ASIC2: variants seen among roughly 807,000 people sequenced by gnomAD.
The protein encoded by ASIC2 is acid sensing ion channel subunit 2.
ASIC2 carries 25 observed loss-of-function variants against 57.3 expected under a neutral mutation model. The ratio of observed to expected loss-of-function variants is 0.44; its 90% CI spans 0.32 to 0.61. The LOEUF (loss-of-function observed/expected upper bound fraction) is 0.61, where lower values mean the gene tolerates loss of function less well. ASIC2 is among the 20% of genes least tolerant of loss of function. ASIC2 has a pLI of 0.06. For synonymous variants in ASIC2, 319 were observed against 307.5 expected, an observed-to-expected ratio of 1.04 and a Z score of -0.39; for missense variants, 641 against 738.1, an observed-to-expected ratio of 0.87 and a Z score of 1.52.
At chr17:33,032,392 G>T in intron 3 of ASIC2, among the ~76,000 whole-genome samples, 1 of 144,868 alleles carries the variant, frequency 6.9e-6, no homozygotes, top group African/African-American at 2.6e-5. Context: ...TATTGCTTCT[G>T]TGTCATATAT....
At chr17:33,354,419 A>C (rs1908299803) in intron 1 of ASIC2, among the ~76,000 whole-genome samples, 1 of 152,152 alleles carries the variant, frequency 6.6e-6, no homozygotes, top group African/African-American at 2.4e-5. Context: ...CCAGCATGAA[A>C]TATAACTATG....
At chr17:33,761,535 A>G (rs989178291) in intron 1 of ASIC2, among the ~76,000 whole-genome samples, 1 of 152,146 alleles carries the variant, frequency 6.6e-6, no homozygotes, top group Admixed American at 6.5e-5. Context: ...TCCAGTCCCA[A>G]ATGGAATGGA....
chr17:33,145,273 T>A (rs1904511663), intron 1 of ASIC2, among the ~76,000 whole-genome samples: 1 of 152,228 alleles, frequency 6.6e-6, no homozygotes, highest in Non-Finnish European at 1.5e-5. Flanking sequence ...GGGACATTGA[T>A]GGTCCTAGAC....
At chr17:33,813,947 C>T (rs924169802) in intron 1 of ASIC2, among the ~76,000 whole-genome samples, 13 of 152,058 alleles carry the variant, frequency 8.5e-5, no homozygotes, top group African/African-American at 3.1e-4. Context: ...TGAGGAAGGT[C>T]TCTGTGGGGA....
chr17:33,744,838 C>T (rs1326398342), intron 1 of ASIC2, among the ~76,000 whole-genome samples: 1 of 152,000 alleles, frequency 6.6e-6, no homozygotes, highest in African/African-American at 2.4e-5. Context: ...GGAATATATC[C>T]AAAAACTGGC....
chr17:33,487,478 G>C (rs1482420085), intron 1 of ASIC2, among the ~76,000 whole-genome samples: 1 of 152,228 alleles, frequency 6.6e-6, no homozygotes, highest in East Asian at 1.9e-4. Context: ...CCTAGTGCAA[G>C]TGACAACCTT....
chr17:33,845,341 C>T (rs1314058901), intron 1 of ASIC2, among the ~76,000 whole-genome samples: 1 of 152,132 alleles, frequency 6.6e-6, no homozygotes, highest in Non-Finnish European at 1.5e-5. Flanking sequence ...AACTCTCCAC[C>T]ATTTTGTTTT....
chr17:34,119,412 T>C lies in ASIC2; in HGVS notation c.555+36566A>G, dbSNP rs1382888623. ...TAGCCTAATTTTTATACAACATGTA[T>C]ACAGTTTGATGTCTATTTTTACCTG... On this transcript the variant is annotated intron_variant, in intron 1 of 9. Transcript: ENST00000359872. Among the ~76,000 whole-genome samples the C allele has an allele frequency of 5.5e-4, 84 of 152,212 alleles. 1 individual carries two copies. The highest frequency in any genetic ancestry group is 2.4e-4 in the Non-Finnish European group (16 of 68,040).
At chr17:33,370,177 GC>G (rs897723319) in intron 1 of ASIC2, among the ~76,000 whole-genome samples, 1 of 152,178 alleles carries the variant, frequency 6.6e-6, no homozygotes, top group Non-Finnish European at 1.5e-5. Flanking sequence ...CCTACAGGGA[GC>G]AAAAATCTGA....
intron 1 of ASIC2, among the ~76,000 whole-genome samples, chr17:33,797,077 C>A (rs999992658): frequency 6.6e-6 from 1 of 152,154 alleles, no homozygotes; most frequent in Non-Finnish European, 1.5e-5. Context: ...AGAGTGGAGC[C>A]TTTTCTCTCT....
rs184356368 is a variant in ASIC2, at chr17:33,606,910, C to T, written c.556-494843G>A. On this transcript the variant is annotated intron_variant, in intron 1 of 9. Transcript: ENST00000359872. ...ATCCCATTCTGTGGTCACAGTGCCT[C>T]CTAGGCTCATCCTAGTCTATGCCTC... is the stretch of plus-strand genomic sequence containing the variant. Among the ~76,000 whole-genome samples the T allele has an allele frequency of 8.5e-5, 13 of 152,174 alleles. No homozygotes were observed. In the South Asian group the frequency reaches 1.9e-3, roughly 22 times the overall value.
chr17:33,431,423 A>T (rs1363318201), intron 1 of ASIC2, among the ~76,000 whole-genome samples: 1 of 152,082 alleles, frequency 6.6e-6, no homozygotes, highest in Non-Finnish European at 1.5e-5. Context: ...CCTGGCCATG[A>T]TGAAACCCTG....
intron 1 of ASIC2, among the ~76,000 whole-genome samples, chr17:33,273,182 T>C (rs1904574164): frequency 6.6e-6 from 1 of 152,170 alleles, no homozygotes; most frequent in Non-Finnish European, 1.5e-5. Flanking sequence ...GGACTTTTTT[T>C]GGTTGGTTAA....
At chr17:33,760,624 T>TACAC (rs200668942) in intron 1 of ASIC2, among the ~76,000 whole-genome samples, 2,448 of 151,556 alleles carry the variant, frequency 0.016, 36 homozygotes, top group Middle Eastern at 0.041. Flanking sequence ...TATATATACA[T>TACAC]ACACACATAC....
chr17:33,400,987 C>T (rs1910265001), intron 1 of ASIC2, among the ~76,000 whole-genome samples: 1 of 152,188 alleles, frequency 6.6e-6, no homozygotes, highest in South Asian at 2.1e-4. Context: ...CACTGCACCT[C>T]TAAAGCAGGT....
At chr17:33,238,795 G>A (rs893797912) in intron 1 of ASIC2, among the ~76,000 whole-genome samples, 5 of 152,164 alleles carry the variant, frequency 3.3e-5, no homozygotes, top group African/African-American at 1.2e-4. Flanking sequence ...CTTGAGATCA[G>A]GAGTTTGAGA....
At chr17:33,887,546 T>G (rs1914857866) in intron 1 of ASIC2, among the ~76,000 whole-genome samples, 1 of 152,192 alleles carries the variant, frequency 6.6e-6, no homozygotes, top group Non-Finnish European at 1.5e-5. Context: ...CAGAGGCCAC[T>G]GAGGCAGAAA....
intron 1 of ASIC2, among the ~76,000 whole-genome samples, chr17:34,123,812 T>TGCA (rs1911695709): frequency 6.6e-6 from 1 of 152,222 alleles, no homozygotes; most frequent in Non-Finnish European, 1.5e-5. Context: ...CTGGGTGTGC[T>TGCA]GGCTTACACC....
intron 1 of ASIC2, among the ~76,000 whole-genome samples, chr17:33,823,527 T>G (rs976334088): frequency 1.3e-5 from 2 of 152,216 alleles, no homozygotes; most frequent in African/African-American, 4.8e-5. Context: ...CTTCCAGCCG[T>G]GTCTGTGAGT....
Sources: allele counts gnomAD v4.1 joint callset (sites outside exome capture counted in the v4.1 genomes callset), GRCh38; gene constraint gnomAD v4.1.1; transcripts MANE v1.5; gene names NCBI Gene and HGNC (gene_info 2026-07-23, HGNC 2026-07-21).